Variants in STMND1 observed in about 807,000 individuals in gnomAD.
STMND1 encodes the protein stathmin domain containing 1.
A neutral mutation model predicts 23.0 loss-of-function variants in STMND1; 17 were observed. The ratio of observed to expected loss-of-function variants is 0.74; its 90% confidence interval spans 0.51 to 1.11. The LOEUF is 1.11. STMND1 is among the 50% of genes least tolerant of loss of function. STMND1 has a pLI of 0.00. For missense variants in STMND1, 305 were observed against 329.1 expected, an observed-to-expected ratio of 0.93 and a Z score of 0.57; for synonymous variants, 114 against 119.9, an observed-to-expected ratio of 0.95 and a Z score of 0.32.
At chr6:17,108,766 G>C (rs1460639519) in intron 1 of STMND1, among the ~76,000 whole-genome samples, 1 of 146,776 alleles carries the variant, frequency 6.8e-6, no homozygotes, top group Non-Finnish European at 1.5e-5. Context: ...GTGTAATCTC[G>C]GCTCACTGCA....
At chr6:17,121,926 G>A (rs1466294941) in intron 3 of STMND1, among the ~76,000 whole-genome samples, 3 of 150,422 alleles carry the variant, frequency 2.0e-5, no homozygotes, top group African/African-American at 2.5e-5. Flanking sequence ...GCAGTGGCAC[G>A]ATCCTGGCTC....
chr6:17,118,640 T>C (rs1309244121), intron 2 of STMND1, among the ~76,000 whole-genome samples: 1 of 152,246 alleles, frequency 6.6e-6, no homozygotes, highest in South Asian at 2.1e-4. Context: ...ATAATTTTAT[T>C]ATGTTAGCGA....
chr6:17,125,127 G>C (rs1409638416), intron 3 of STMND1, among the ~76,000 whole-genome samples: 1 of 146,666 alleles, frequency 6.8e-6, no homozygotes, highest in Admixed American at 6.9e-5. Context: ...GACCAGCCTG[G>C]GCAACATGGT....
intron 1 of STMND1, among the ~76,000 whole-genome samples, chr6:17,113,618 C>T (rs1761121793): frequency 6.6e-6 from 1 of 150,416 alleles, no homozygotes; most frequent in African/African-American, 2.4e-5. Flanking sequence ...TTATTTTTTA[C>T]AATAAGTCTG....
At chr6:17,128,859 C>G (rs534505162) in intron 3 of STMND1, 1 of 311,270 alleles carries the variant, frequency 3.2e-6, no homozygotes, top group Non-Finnish European at 6.2e-6. Context: ...ACTACGGGCA[C>G]ACACCACCAT....
At chr6:17,130,334 G>A (rs2113498037) in intron 4 of STMND1, among the ~76,000 whole-genome samples, 1 of 152,278 alleles carries the variant, frequency 6.6e-6, no homozygotes, top group South Asian at 2.1e-4. Flanking sequence ...CCCTTGGCCA[G>A]ACCCAGCCTT....
intron 3 of STMND1, among the ~76,000 whole-genome samples, chr6:17,126,070 A>T (rs6905405): frequency 0.11 from 2,328 of 20,522 alleles, 438 homozygotes; most frequent in East Asian, 0.25. Context: ...ATATATATAT[A>T]TTTTTTTTTT....
At chr6:17,108,696 C>CTTT (rs10653504) in intron 1 of STMND1, among the ~76,000 whole-genome samples, 41,565 of 138,452 alleles carry the variant, frequency 0.3, 6,536 homozygotes, top group Non-Finnish European at 0.33. Flanking sequence ...TTTTCTTTTT[C>CTTT]TTTTTTTTTT....
intron 2 of STMND1, among the ~76,000 whole-genome samples, chr6:17,117,953 A>G (rs1761182318): frequency 6.6e-6 from 1 of 152,018 alleles, no homozygotes; most frequent in Non-Finnish European, 1.5e-5. Flanking sequence ...TGCTGGGATT[A>G]TAGGCATGAG....
chr6:17,129,320 C>T (rs1761354071), intron 4 of STMND1, 77 bp downstream of exon 4: 2 of 1,434,306 alleles, frequency 1.4e-6, no homozygotes, highest in Non-Finnish European at 1.8e-6. Flanking sequence ...GCTTTCCTAT[C>T]AGCAGTTTTA....
At position 17,114,828 on chromosome 6, in the gene STMND1, G is replaced by A. The variant is rs1049013341; in HGVS notation, c.82-134G>A. 14 of 961,338 alleles carry A rather than the reference G, an allele frequency of 1.5e-5. No homozygotes were observed. The Admixed American group carries it at 1.7e-4, about 11-fold the overall frequency. The allele number at this position is 961,338 out of a possible 1,614,324, so 59.6% of individuals were successfully genotyped here. A position where few individuals can be genotyped will look rare whatever the true frequency, so the allele number is the denominator to read the frequency against. On this transcript the variant is annotated intron_variant, in intron 1 of 4. Transcript: ENST00000536551. Reference sequence around the variant, plus strand: ...TGTGGCCCAGGGGGTTGGGGACCCCGATCTATGGCTTTCTGGTTACTATAC... The same window carrying A: ...TGTGGCCCAGGGGGTTGGGGACCCCAATCTATGGCTTTCTGGTTACTATAC...
chr6:17,127,879 G>A (rs907520283), intron 3 of STMND1: 2 of 152,154 alleles, frequency 1.3e-5, no homozygotes, highest in African/African-American at 4.8e-5. Context: ...TCCATATTAA[G>A]TTAATTGAAG....
In STMND1 at chr6:17,128,835, C is replaced by T. The variant is rs970093015; in HGVS notation, c.412-277C>T. On this transcript the variant is annotated intron_variant, in intron 3 of 4. Coordinates refer to ENST00000536551, the MANE Select transcript of STMND1 (RefSeq NM_001190766.2). ...TCAAGCGATCCTCCACCCTCAGCCT[C>T]CCAAGTAGCTGGGACTACGGGCACA... The T allele has an allele frequency of 4.3e-5, 11 of 257,752 alleles. No individual in the cohort carries two copies. The Admixed American group carries it at 5.6e-4, about 13-fold the overall frequency. 16.0% of individuals were successfully genotyped at this position (257,752 alleles called of 1,614,324 possible).
Position 17,110,508 on chromosome 6 carries a change from G to A in STMND1, c.82-4454G>A, listed in dbSNP as rs970341123. 12 of 226,166 alleles carry A rather than the reference G, an allele frequency of 5.3e-5. 1 individual carries two copies. Among genetic ancestry groups the A allele is most frequent in the South Asian group, 5.2e-4 (9 of 17,186 alleles). 14.0% of individuals were successfully genotyped at this position (226,166 alleles called of 1,614,324 possible). ...AATGAGTCCAGTCGCGGTGGCGCACGTCTGTAATCCCAACACTTTGGGAGG... is the reference window on the plus strand; with the variant it reads ...AATGAGTCCAGTCGCGGTGGCGCACATCTGTAATCCCAACACTTTGGGAGG... On this transcript the variant is annotated intron_variant, in intron 1 of 4. Transcript: ENST00000536551.
At chr6:17,118,166 C>T (rs1761184355) in intron 2 of STMND1, among the ~76,000 whole-genome samples, 1 of 152,012 alleles carries the variant, frequency 6.6e-6, no homozygotes, top group South Asian at 2.1e-4. Context: ...GAAAGTCTTT[C>T]CCTACACCAA....
At chr6:17,121,589 A>G (rs1428934566) in intron 3 of STMND1, among the ~76,000 whole-genome samples, 1 of 152,230 alleles carries the variant, frequency 6.6e-6, no homozygotes, top group East Asian at 1.9e-4. Flanking sequence ...TGCCCTATAA[A>G]TATATACAAT....
rs186314573 is a variant in STMND1, at chr6:17,127,649, C to T, written c.412-1463C>T. Reference sequence around the variant, plus strand: ...CCGTCTGGTGCCTTGTTTTACTCTGCTAAACTGCCTCTCTTTGATTTATTT... The same window carrying T: ...CCGTCTGGTGCCTTGTTTTACTCTGTTAAACTGCCTCTCTTTGATTTATTT... On this transcript the variant is annotated intron_variant, in intron 3 of 4. Transcript: ENST00000536551. 6.2e-4 allele frequency among the ~76,000 whole-genome samples: 95 copies of T among 152,290 alleles called. 1 individual carries two copies. In the Middle Eastern group the frequency reaches 0.01, roughly 16 times the overall value.
intron 3 of STMND1, among the ~76,000 whole-genome samples, chr6:17,125,076 C>T (rs1166038649): frequency 1.4e-5 from 2 of 146,956 alleles, no homozygotes; most frequent in Non-Finnish European, 3.0e-5. Context: ...TAGGGCTTTA[C>T]GAGGCTCAGC....
chr6:17,125,026 A>C (rs1006208590), intron 3 of STMND1, among the ~76,000 whole-genome samples: 6 of 150,758 alleles, frequency 4.0e-5, no homozygotes, highest in Admixed American at 3.3e-4. Context: ...AAAAAAAAAA[A>C]GTTAAATGTG....
Sources: allele counts gnomAD v4.1 joint callset (sites outside exome capture counted in the v4.1 genomes callset), GRCh38; gene constraint gnomAD v4.1.1; transcripts MANE v1.5; gene names NCBI Gene and HGNC (gene_info 2026-07-23, HGNC 2026-07-21).